NBAS: variants seen among roughly 807,000 people sequenced by gnomAD.
NBAS encodes NBAS subunit of NRZ tethering complex, also known as NAG/BC035112 fusion.
Under a neutral mutation model 302.5 loss-of-function variants are expected in NBAS, and 219 were observed. The observed-to-expected ratio is 0.72, with a 90% CI of 0.65 to 0.81. The LOEUF (loss-of-function observed/expected upper bound fraction) is 0.81. Among genes scored for constraint, NBAS ranks in the 30% least tolerant of loss-of-function variants. The probability of loss-of-function intolerance (pLI) is 0.00; values close to 1 mark genes in which losing one functional copy is unlikely to be tolerated. For missense variants in NBAS, 2,932 were observed against 2,841.6 expected, an observed-to-expected ratio of 1.03 and a Z score of -0.72; for synonymous variants, 1,118 against 1,021.6, an observed-to-expected ratio of 1.09 and a Z score of -1.80.
rs78474118 is a variant in NBAS at position 15,525,050 on chromosome 2, C to T, written c.746+9493G>A. 7.6e-3 allele frequency among the ~76,000 whole-genome samples: 1,156 copies of T among 152,268 alleles called. 14 individuals are homozygous for T. Among genetic ancestry groups the T allele is most frequent in the African/African-American group, 0.025 (1,037 of 41,556 alleles). ...AAAAACACAATATATTCAGCATCTA[C>T]CTATATGGCTTATTCCACATCTACC... On this transcript the variant is annotated intron_variant, in intron 9 of 51. Coordinates refer to ENST00000281513, the MANE Select transcript of NBAS (RefSeq NM_015909.4).
chr2:14,827,901 G>A, the NBAS span, among the ~76,000 whole-genome samples: 1 of 152,086 alleles, frequency 6.6e-6, no homozygotes, highest in Non-Finnish European at 1.5e-5. Flanking sequence ...GCTTGATACT[G>A]TACTTAAGTG....
At chr2:15,029,195 T>C in the NBAS span, among the ~76,000 whole-genome samples, 1 of 152,226 alleles carries the variant, frequency 6.6e-6, no homozygotes, top group South Asian at 2.1e-4. Flanking sequence ...TTTTAAAATA[T>C]AGCTTTTAAA....
chr2:15,171,536 G>T (rs1664289880), intron 51 of NBAS, among the ~76,000 whole-genome samples: 1 of 152,088 alleles, frequency 6.6e-6, no homozygotes, highest in African/African-American at 2.4e-5. Flanking sequence ...ATTTTAAGTT[G>T]TCTGATATTA....
chr2:14,843,848 T>A, the NBAS span, among the ~76,000 whole-genome samples: 1 of 152,176 alleles, frequency 6.6e-6, no homozygotes, highest in Non-Finnish European at 1.5e-5. Context: ...ACTCAGGTGA[T>A]GCCCGCCAAC....
Position 15,539,339 on chromosome 2 carries a change from G to A in NBAS, c.397C>T (p.Pro133Ser), listed in dbSNP as rs1337326154. The change falls in exon 7 of 52, where the codon CCC (proline) becomes TCC (serine). Residue 133 changes from proline (P) to serine (S), a missense_variant. By Grantham distance (74) the Pro-to-Ser change is moderately conservative. Coordinates refer to ENST00000281513, the MANE Select transcript of NBAS (RefSeq NM_015909.4). Reference sequence around the variant, plus strand: ...CTCCATGCTACCCGTCTCCACTGGGGTTTCGGGTCTTTCGGAACTAGAACA... The same window carrying A: ...CTCCATGCTACCCGTCTCCACTGGGATTTCGGGTCTTTCGGAACTAGAACA... ...GKCQVPKDPK[P>S]QWRRVAWSYD... 1 of 1,614,204 alleles carries A rather than the reference G, an allele frequency of 6.2e-7. No homozygotes were observed. The highest frequency in any genetic ancestry group is 1.7e-5 in the Admixed American group (1 of 60,032).
the NBAS span, among the ~76,000 whole-genome samples, chr2:14,911,421 C>G: frequency 7.7e-4 from 118 of 152,296 alleles, no homozygotes; most frequent in Middle Eastern, 0.02. Context: ...ATGAATACAT[C>G]CTGGACGCTA....
the NBAS span, among the ~76,000 whole-genome samples, chr2:14,849,441 A>T: frequency 6.6e-6 from 1 of 151,752 alleles, no homozygotes; most frequent in African/African-American, 2.4e-5. Context: ...GAAAAGACCA[A>T]ATTTACGTCT....
intron 48 of NBAS, among the ~76,000 whole-genome samples, chr2:15,196,399 T>C (rs548391680): frequency 2.4e-4 from 36 of 152,188 alleles, no homozygotes; most frequent in Non-Finnish European, 4.6e-4. Flanking sequence ...TACTGTAGTT[T>C]TGCAAAATGT....
At chr2:15,351,272 G>A (rs1183430071) in intron 35 of NBAS, among the ~76,000 whole-genome samples, 1 of 152,158 alleles carries the variant, frequency 6.6e-6, no homozygotes, top group Non-Finnish European at 1.5e-5. Context: ...TTGAGGGTAT[G>A]TATGGTACGT....
rs535912643 is a variant in NBAS at position 15,470,916 on chromosome 2, G to A, written c.1725+2306C>T. 3.3e-5 allele frequency among the ~76,000 whole-genome samples: 5 copies of A among 152,074 alleles called. No individual in the cohort carries two copies. In the East Asian group the frequency reaches 5.8e-4, roughly 18 times the overall value. On this transcript the variant is annotated intron_variant, in intron 16 of 51. Transcript: ENST00000281513. ...GCAGAAGCTGCAGTGAGCCGAGATC[G>A]CACCATTGCAATCCAGCCTGGGCAA...
chr2:15,321,549 GA>G (rs1254480166), intron 38 of NBAS, among the ~76,000 whole-genome samples: 1 of 151,956 alleles, frequency 6.6e-6, no homozygotes, highest in Non-Finnish European at 1.5e-5. Flanking sequence ...AAATCTACAA[GA>G]AAAAAAGCAA....
chr2:14,814,275 C>G, the NBAS span, among the ~76,000 whole-genome samples: 11 of 152,142 alleles, frequency 7.2e-5, no homozygotes, highest in African/African-American at 2.7e-4. Context: ...TCCTCCAGAC[C>G]CCCAAATGGT....
intron 48 of NBAS, among the ~76,000 whole-genome samples, chr2:15,198,898 G>A (rs766854804): frequency 2.0e-5 from 3 of 152,056 alleles, no homozygotes; most frequent in East Asian, 1.9e-4. Context: ...AGGCCGAGGC[G>A]GGTGGATCAT....
At position 15,474,193 on chromosome 2, in the gene NBAS, C is replaced by A; in HGVS notation, c.1473G>T (p.Gln491His). The A allele has an allele frequency of 6.2e-7, 1 of 1,614,052 alleles. No individual in the cohort carries two copies. The highest frequency in any genetic ancestry group is 1.1e-5 in the South Asian group (1 of 91,078). Residue 491 changes from glutamine to histidine, a missense_variant, in exon 15 of 52, where the codon CAG becomes CAT. Gln to His is a conservative substitution (Grantham distance 24). Coordinates refer to ENST00000281513, the MANE Select transcript of NBAS (RefSeq NM_015909.4). ...AKARYFGYIK[Q>H]GLYLVTEMER... is the part of the protein sequence containing the mutation. ...CCATTTCAGTCACCAAGTAAAGGCC[C>A]TGTTTTATATAACCAAAGTAGCGAG...
At chr2:14,794,544 A>C in the NBAS span, among the ~76,000 whole-genome samples, 1 of 152,194 alleles carries the variant, frequency 6.6e-6, no homozygotes, top group Non-Finnish European at 1.5e-5. Context: ...ATTCACTTAT[A>C]AATAAATGTT....
At chr2:14,916,791 A>C in the NBAS span, among the ~76,000 whole-genome samples, 1 of 152,178 alleles carries the variant, frequency 6.6e-6, no homozygotes, top group Non-Finnish European at 1.5e-5. Context: ...ACAATCTCAG[A>C]GTCTGAGGTT....
rs1041527680 is a variant in NBAS at position 15,181,020 on chromosome 2, A to C, written c.6712-1904T>G. ...GTACTGTATAAATATTTCCCACCTT[A>C]TCTTTTATCTTGTATTATGGTAGTC... On this transcript the variant is annotated intron_variant, in intron 50 of 51. Coordinates refer to ENST00000281513, the MANE Select transcript of NBAS (RefSeq NM_015909.4). Among the ~76,000 whole-genome samples, 7 of 152,156 alleles carry C rather than the reference A, an allele frequency of 4.6e-5. No individual in the cohort carries two copies. In the East Asian group the frequency reaches 1.3e-3, roughly 29 times the overall value.
At chr2:15,363,388 C>T (rs368017136) in intron 32 of NBAS, among the ~76,000 whole-genome samples, 26 of 152,256 alleles carry the variant, frequency 1.7e-4, no homozygotes, top group African/African-American at 6.0e-4. Flanking sequence ...CTTATGTTAT[C>T]AGATCAATTA....
chr2:14,920,716 C>T, the NBAS span, among the ~76,000 whole-genome samples: 1 of 152,074 alleles, frequency 6.6e-6, no homozygotes, highest in Non-Finnish European at 1.5e-5. Flanking sequence ...GTGAAGTAAA[C>T]CTCACAAACC....
Sources: gnomAD v4.1 joint callset for allele counts (sites outside exome capture counted in the v4.1 genomes callset) on GRCh38, gnomAD v4.1.1 for gene constraint, MANE v1.5 for transcripts, NCBI Gene and HGNC (gene_info 2026-07-23, HGNC 2026-07-21) for gene names.